PPOX: variants seen among roughly 807,000 people sequenced by gnomAD.
PPOX encodes the protein protoporphyrinogen oxidase, also known as variegate porphyria.
Under a neutral mutation model 54.1 loss-of-function variants are expected in PPOX, and 23 were observed. The observed-to-expected ratio is 0.43, with a 90% CI of 0.31 to 0.60. The LOEUF (loss-of-function observed/expected upper bound fraction) is 0.60, where lower values mean the gene tolerates loss of function less well. PPOX is among the 20% of genes least tolerant of loss of function. PPOX has a pLI of 0.13. For missense variants in PPOX, 512 were observed against 601.1 expected, an observed-to-expected ratio of 0.85 and a Z score of 1.55; for synonymous variants, 224 against 236.1, an observed-to-expected ratio of 0.95 and a Z score of 0.47.
At chr1:161,170,320 G>GGGGGGGGGGGGGGGCC in intron 9 of PPOX, 89 bp from the exon 10 acceptor site, 1 of 494,792 alleles carries the variant, frequency 2.0e-6, no homozygotes, top group Non-Finnish European at 4.0e-6. Flanking sequence ...GTGAGACTCT[G>GGGGGGGGGGGGGGGCC]TCCCCCCCAC....
chr1:161,166,178 G>A (rs1658813681), upstream of PPOX: 3 of 982,578 alleles, frequency 3.1e-6, no homozygotes, highest in Non-Finnish European at 3.6e-6. Flanking sequence ...GACCTGGTAA[G>A]CTTGTGCTGG....
chr1:161,172,107 G>C (rs1386011836), downstream of PPOX: 1 of 1,613,000 alleles, frequency 6.2e-7, no homozygotes, highest in Non-Finnish European at 8.5e-7. Flanking sequence ...TTAGAGGTTG[G>C]AGACTAAGAC....
chr1:161,171,666 G>A, downstream of PPOX: 1 of 1,135,446 alleles, frequency 8.8e-7, no homozygotes, highest in Non-Finnish European at 1.2e-6. Flanking sequence ...CCCAGCTCCA[G>A]TCCAGCAGTG....
downstream of PPOX, chr1:161,171,904 A>T: frequency 6.2e-7 from 1 of 1,614,162 alleles, no homozygotes; most frequent in Non-Finnish European, 8.5e-7. Flanking sequence ...CTCTTGACGG[A>T]AGGCTTGGGA....
chr1:161,169,614 T>C, intron 7 of PPOX, 46 bp from the exon 8 acceptor site: 2 of 1,592,226 alleles, frequency 1.3e-6, no homozygotes, highest in South Asian at 2.2e-5. Context: ...TTTTCACTCA[T>C]CAAATTCTCA....
chr1:161,166,077 C>T (rs1055378057), upstream of PPOX: 9 of 984,960 alleles, frequency 9.1e-6, no homozygotes, highest in African/African-American at 1.4e-4. Context: ...TATGGAGCCG[C>T]CTCCCCGTGG....
Position 161,169,169 on chromosome 1 carries a change from G to C in PPOX, c.793G>C (p.Glu265Gln), listed in dbSNP as rs1344331354. 2 of 1,613,866 alleles carry C rather than the reference G, an allele frequency of 1.2e-6. No homozygotes were observed. The highest frequency in any genetic ancestry group is 1.7e-6 in the Non-Finnish European group (2 of 1,180,038). ...QPVCGLSLQA[E>Q]GRWKVSLRDS... ...GGTCTGTGGGCTCAGCCTCCAGGCA[G>C]AAGGGCGCTGGAAGGTAGGGGAACC... The change falls in exon 7 of 13, where the codon GAA (glutamate) becomes CAA (glutamine). Residue 265 changes from glutamate (E) to glutamine (Q), a missense_variant. Coordinates refer to ENST00000367999, the MANE Select transcript of PPOX (RefSeq NM_001122764.3).
intron 7 of PPOX, 82 bp from the exon 8 acceptor site, chr1:161,169,578 A>T: frequency 7.0e-7 from 1 of 1,428,160 alleles, no homozygotes; most frequent in Non-Finnish European, 9.9e-7. Flanking sequence ...TGCCTGGGAA[A>T]CTGAGAGTGA....
chr1:161,172,458 C>T, downstream of PPOX: 1 of 774,756 alleles, frequency 1.3e-6, no homozygotes. Flanking sequence ...AAGCCCAGGA[C>T]AGAAGTCAAA....
chr1:161,167,610 G>A, intron 4 of PPOX, 124 bp downstream of exon 4: 2 of 1,291,316 alleles, frequency 1.5e-6, no homozygotes, highest in Non-Finnish European at 1.0e-6. Flanking sequence ...TCTCGCCCAG[G>A]ATGGAGTGCA....
At chr1:161,166,046 T>G (rs532777039), upstream of PPOX, 1 of 969,948 alleles carries the variant, frequency 1.0e-6, no homozygotes, top group East Asian at 1.1e-4. Flanking sequence ...CCCGGTCTGT[T>G]GCTAACATCA....
chr1:161,169,695 C>T lies in PPOX; in HGVS notation c.843C>T (p.His281=), dbSNP rs150603927. Reference sequence around the variant, plus strand: ...GGGACAGCAGTCTGGAGGCTGACCACGTTATTAGTGCCATTCCAGCTTCAG... The same window carrying T: ...GGGACAGCAGTCTGGAGGCTGACCATGTTATTAGTGCCATTCCAGCTTCAG... ...SLRDSSLEAD[H]VISAIPASVL... is the part of the protein sequence containing the mutation. The change falls in exon 8 of 13, where the codon CAC becomes CAT. Residue 281 remains histidine (H), a synonymous_variant. Coordinates refer to ENST00000367999, the MANE Select transcript of PPOX (RefSeq NM_001122764.3). 25 of 1,614,038 alleles carry T rather than the reference C, an allele frequency of 1.5e-5. No homozygotes were observed. The highest frequency in any genetic ancestry group is 4.0e-5 in the African/African-American group (3 of 74,900).
downstream of PPOX, chr1:161,171,836 C>A (rs144909171): frequency 4.2e-5 from 67 of 1,613,974 alleles, no homozygotes; most frequent in Non-Finnish European, 5.5e-5. Context: ...CCTCGGAGGG[C>A]TGTGTGGTTG....
At chr1:161,167,018 G>A in intron 2 of PPOX, 82 bp from the exon 3 acceptor site, 1 of 1,612,462 alleles carries the variant, frequency 6.2e-7, no homozygotes, top group South Asian at 1.1e-5. Flanking sequence ...CTGGCCCTCT[G>A]AATATGCCTC....
At chr1:161,171,312 C>T (rs945949428), downstream of PPOX, 8 of 1,401,564 alleles carry the variant, frequency 5.7e-6, no homozygotes, top group East Asian at 4.7e-5. Context: ...GGAGCAGATG[C>T]GAGACAAAGT....
At chr1:161,171,915 G>C, downstream of PPOX, 1 of 1,614,192 alleles carries the variant, frequency 6.2e-7, no homozygotes. Flanking sequence ...AGGCTTGGGA[G>C]GAACCAGGTG....
At position 161,169,451 on chromosome 1, in the gene PPOX, C is replaced by T. The variant is rs545618796; in HGVS notation, c.808-209C>T. On this transcript the variant is annotated intron_variant, in intron 7 of 12. Transcript: ENST00000367999. ...TTCACTGAACATTTCAGAACAGCCA[C>T]ACTGGCCTGTCTGGTCCACTTCCTG... 542 of 704,992 alleles carry T rather than the reference C, an allele frequency of 7.7e-4. 1 individual carries two copies. Among genetic ancestry groups the T allele is most frequent in the Middle Eastern group, 3.5e-3 (9 of 2,586 alleles). The allele number at this position is 704,992 out of a possible 1,614,324, so 43.7% of individuals were successfully genotyped here.
chr1:161,175,479 T>G (rs1340436194), downstream of PPOX, among the ~76,000 whole-genome samples: 5 of 152,092 alleles, frequency 3.3e-5, no homozygotes, highest in East Asian at 9.6e-4. Context: ...CTTACAGGGT[T>G]GGAAGCTATA....
intron 2 of PPOX, 53 bp from the exon 3 acceptor site, chr1:161,167,047 C>G (rs557173555): frequency 6.2e-7 from 1 of 1,614,032 alleles, no homozygotes; most frequent in African/African-American, 1.3e-5. Flanking sequence ...CCCTCCTGAC[C>G]TCTCGCCGGC....
Sources: allele counts gnomAD v4.1 joint callset (sites outside exome capture counted in the v4.1 genomes callset), GRCh38; gene constraint gnomAD v4.1.1; transcripts MANE v1.5; gene names NCBI Gene and HGNC (gene_info 2026-07-23, HGNC 2026-07-21).